The following ENOX1 variants were observed in gnomAD, a reference collection of about 807,000 sequenced individuals.
ENOX1 encodes candidate growth-related and time keeping constitutive hydroquinone (NADH) oxidase.
A neutral mutation model predicts 82.5 loss-of-function variants in ENOX1; 42 were observed. That is an observed-to-expected ratio of 0.51 (90% CI 0.40 to 0.66). The LOEUF (loss-of-function observed/expected upper bound fraction) is 0.66. Among genes scored for constraint, ENOX1 ranks in the 30% least tolerant of loss-of-function variants. The probability of loss-of-function intolerance (pLI) is 0.00; values close to 1 mark genes in which losing one functional copy is unlikely to be tolerated. For missense variants in ENOX1, 608 were observed against 811.6 expected (o/e 0.75, Z 3.05); for synonymous variants, 271 against 282.2 (o/e 0.96, Z 0.40).
chr13:43,746,508 G>C (rs369903254), intron 1 of ENOX1, among the ~76,000 whole-genome samples: 36 of 152,162 alleles, frequency 2.4e-4, no homozygotes, highest in African/African-American at 7.2e-4. Context: ...TCGATAAGCT[G>C]GACTCTTACT....
At chr13:43,619,134 T>C (rs896859055) in intron 2 of ENOX1, among the ~76,000 whole-genome samples, 11 of 152,154 alleles carry the variant, frequency 7.2e-5, no homozygotes, top group Non-Finnish European at 1.3e-4. Context: ...CTAGAACCTT[T>C]CTGGAGGAGT....
At chr13:43,499,181 C>T (rs2076892906) in intron 2 of ENOX1, among the ~76,000 whole-genome samples, 1 of 151,568 alleles carries the variant, frequency 6.6e-6, no homozygotes, top group Admixed American at 6.6e-5. Flanking sequence ...CAAGGAAAAC[C>T]TAAAACTGTC....
rs1594789837 is a variant in ENOX1, at chr13:43,785,305, C to T, written c.-285+1347G>A. On this transcript the variant is annotated intron_variant, in intron 1 of 16. Transcript: ENST00000690772. ...GCACCCACCTCTCGAGCGGGCCCAC[C>T]AGCTCAGCTTTCCAAGCTCGCTCAC... 1.3e-5 allele frequency among the ~76,000 whole-genome samples: 2 copies of T among 152,336 alleles called. 1 individual carries two copies. The highest frequency in any genetic ancestry group is 1.3e-4 in the Admixed American group (2 of 15,296).
intron 1 of ENOX1, among the ~76,000 whole-genome samples, chr13:43,717,793 A>G (rs2088253379): frequency 6.6e-6 from 1 of 152,244 alleles, no homozygotes; most frequent in African/African-American, 2.4e-5. Flanking sequence ...AAAAAAGCTC[A>G]TCACTAATCA....
At chr13:43,254,162 C>T (rs1330550916) in intron 14 of ENOX1, among the ~76,000 whole-genome samples, 2 of 152,180 alleles carry the variant, frequency 1.3e-5, no homozygotes, top group East Asian at 3.8e-4. Flanking sequence ...GGACAAGTCT[C>T]ATTTGGGTAC....
At chr13:43,463,014 C>T (rs1364137497) in intron 3 of ENOX1, among the ~76,000 whole-genome samples, 2 of 152,202 alleles carry the variant, frequency 1.3e-5, no homozygotes, top group Non-Finnish European at 2.9e-5. Context: ...CCTTAGAATA[C>T]TCAAAGAAGA....
At chr13:43,446,683 C>T (rs79618014) in intron 3 of ENOX1, among the ~76,000 whole-genome samples, 323 of 152,326 alleles carry the variant, frequency 2.1e-3, no homozygotes, top group Admixed American at 3.7e-3. Context: ...TTCTGCCCAA[C>T]CTTCAGCCTT....
rs558876105 is a variant in ENOX1 at position 43,643,671 on chromosome 13, G to A, written c.-219+23808C>T. The stretch of plus-strand genomic sequence containing the variant: ...TATACACACACATATATATATACAT[G>A]CACATACATATAAATATCCATATAT... On this transcript the variant is annotated intron_variant, in intron 2 of 16. Transcript: ENST00000690772. Among the ~76,000 whole-genome samples the A allele has an allele frequency of 2.7e-5, 4 of 150,506 alleles. No homozygotes were observed. In the South Asian group the frequency reaches 8.5e-4, roughly 32 times the overall value.
chr13:43,472,439 T>A (rs1487673584), intron 3 of ENOX1, among the ~76,000 whole-genome samples: 2 of 152,186 alleles, frequency 1.3e-5, no homozygotes, highest in Non-Finnish European at 2.9e-5. Context: ...AATATTATAT[T>A]TAAAAAACCC....
intron 3 of ENOX1, among the ~76,000 whole-genome samples, chr13:43,440,293 G>A (rs958883002): frequency 6.6e-6 from 1 of 152,120 alleles, no homozygotes; most frequent in Non-Finnish European, 1.5e-5. Context: ...ATGAATTATT[G>A]AGAAACTTAG....
intron 5 of ENOX1, among the ~76,000 whole-genome samples, chr13:43,370,363 T>C (rs535109398): frequency 1.3e-5 from 2 of 151,620 alleles, no homozygotes; most frequent in African/African-American, 4.9e-5. Context: ...CGAGACTCCA[T>C]CTCAAGAAAA....
At chr13:43,668,556 A>G (rs986930625) in intron 1 of ENOX1, among the ~76,000 whole-genome samples, 1 of 152,208 alleles carries the variant, frequency 6.6e-6, no homozygotes, top group Admixed American at 6.5e-5. Context: ...ATTTGGAAGT[A>G]TTTTACACTC....
chr13:43,350,953 T>G (rs1404963534), intron 8 of ENOX1, among the ~76,000 whole-genome samples: 3 of 152,218 alleles, frequency 2.0e-5, no homozygotes, highest in Non-Finnish European at 4.4e-5. Context: ...GAAGGCATTC[T>G]AAAATGCTTT....
chr13:43,773,925 C>T (rs1951784184), intron 1 of ENOX1, among the ~76,000 whole-genome samples: 1 of 152,038 alleles, frequency 6.6e-6, no homozygotes, highest in South Asian at 2.1e-4. Flanking sequence ...AACATTAAAT[C>T]TCTACAAAAT....
At chr13:43,776,997 C>T (rs181485158) in intron 1 of ENOX1, among the ~76,000 whole-genome samples, 25 of 152,290 alleles carry the variant, frequency 1.6e-4, no homozygotes, top group Admixed American at 1.6e-3. Flanking sequence ...TACCCAACAC[C>T]AGAGAGGAGG....
Position 43,721,673 on chromosome 13 carries a change from C to T in ENOX1, c.-284-54129G>A, listed in dbSNP as rs112798199. Among the ~76,000 whole-genome samples, 973 of 152,206 alleles carry T rather than the reference C, an allele frequency of 6.4e-3. 9 individuals are homozygous for T. Among genetic ancestry groups the T allele is most frequent in the African/African-American group, 0.022 (924 of 41,526 alleles). On this transcript the variant is annotated intron_variant, in intron 1 of 16. Coordinates refer to ENST00000690772, the MANE Select transcript of ENOX1 (RefSeq NM_001347969.2). ...GATTACAGGCATGAGCCACCACGCC[C>T]GGCCTATATTTTATATCTTTACTGG...
At chr13:43,303,749 C>T (rs1440667929) in intron 11 of ENOX1, among the ~76,000 whole-genome samples, 1 of 152,082 alleles carries the variant, frequency 6.6e-6, no homozygotes, top group East Asian at 1.9e-4. Context: ...CAAACATTGG[C>T]CTGCATTACA....
chr13:43,436,611 G>T (rs1238539262), intron 3 of ENOX1, among the ~76,000 whole-genome samples: 1 of 152,046 alleles, frequency 6.6e-6, no homozygotes, highest in Non-Finnish European at 1.5e-5. Context: ...CTTGATATTG[G>T]CCAGCTGCAA....
chr13:43,541,173 G>GTTTTTTTTTTTTTTTTTTTTTTT lies in ENOX1; in HGVS notation c.-218-57044_-218-57022dup, dbSNP rs553504525. Among the ~76,000 whole-genome samples the GTTTTTTTTTTTTTTTTTTTTTTT allele has an allele frequency of 5.0e-4, 32 of 64,582 alleles. 7 individuals are homozygous for GTTTTTTTTTTTTTTTTTTTTTTT. Among genetic ancestry groups the GTTTTTTTTTTTTTTTTTTTTTTT allele is most frequent in the South Asian group, 1.4e-3 (1 of 738 alleles). 42.4% of individuals were successfully genotyped at this position (64,582 alleles called of 152,430 possible). A position where few individuals can be genotyped will look rare whatever the true frequency, so the allele number is the denominator to read the frequency against. On this transcript the variant is annotated intron_variant, in intron 2 of 16. Transcript: ENST00000690772. ...CTCCAACCTTACACTTCTTCCCTCTGTTTTTTTTTTTTTTTTTTTTTTTTT... is the reference window on the plus strand; with the variant it reads ...CTCCAACCTTACACTTCTTCCCTCTGTTTTTTTTTTTTTTTTTTTTTTTTTTTTTTTTTTTTTTTTTTTTTTTT...
Sources: gnomAD v4.1 joint callset for allele counts (sites outside exome capture counted in the v4.1 genomes callset) on GRCh38, gnomAD v4.1.1 for gene constraint, MANE v1.5 for transcripts, NCBI Gene and HGNC (gene_info 2026-07-23, HGNC 2026-07-21) for gene names.